SGCD: variants seen among roughly 807,000 people sequenced by gnomAD.
SGCD encodes the protein sarcoglycan delta.
SGCD carries 18 observed loss-of-function variants against 36.6 expected under a neutral mutation model. That is an observed-to-expected ratio of 0.49 (90% CI 0.34 to 0.73). The LOEUF is 0.73. SGCD is among the 30% of genes least tolerant of loss of function. SGCD has a pLI of 0.01. For missense variants in SGCD, 387 were observed against 346.7 expected (o/e 1.12, Z -0.92); for synonymous variants, 133 against 130.6 (o/e 1.02, Z -0.12).
Position 156,047,137 on chromosome 5 carries a change from G to A in SGCD, c.-281-70741G>A, listed in dbSNP as rs1759785446. Among the ~76,000 whole-genome samples the A allele has an allele frequency of 1.3e-5, 2 of 152,140 alleles. 1 individual carries two copies. The highest frequency in any genetic ancestry group is 1.3e-4 in the Admixed American group (2 of 15,260). On this transcript the variant is annotated intron_variant, in intron 1 of 9. Coordinates refer to the SGCD transcript ENST00000517913. ...CTTTCTTCAATTCTGTGAAAGCTGAGAGAGATGAGGAAGCTGCAGAAGAAA... is the reference window on the plus strand; with the variant it reads ...CTTTCTTCAATTCTGTGAAAGCTGAAAGAGATGAGGAAGCTGCAGAAGAAA...
intron 3 of SGCD, among the ~76,000 whole-genome samples, chr5:156,225,110 A>G (rs1554085287): frequency 6.6e-6 from 1 of 152,110 alleles, no homozygotes; most frequent in Non-Finnish European, 1.5e-5. Context: ...ATGCAAATCT[A>G]TTCATTCCAC....
At chr5:156,282,318 C>T (rs747334902) in intron 3 of SGCD, among the ~76,000 whole-genome samples, 2 of 152,074 alleles carry the variant, frequency 1.3e-5, no homozygotes, top group African/African-American at 4.8e-5. Flanking sequence ...TCTGATGCAA[C>T]GCAAAACAGA....
chr5:156,650,074 A>G (rs1012814425), intron 7 of SGCD, among the ~76,000 whole-genome samples: 2 of 151,994 alleles, frequency 1.3e-5, no homozygotes, highest in Non-Finnish European at 2.9e-5. Context: ...GCATTAGCCC[A>G]CTCTAGAGAT....
chr5:156,097,122 A>G (rs1355305834), intron 1 of SGCD, among the ~76,000 whole-genome samples: 1 of 151,342 alleles, frequency 6.6e-6, no homozygotes, highest in African/African-American at 2.4e-5. Flanking sequence ...GCTGCTTTTA[A>G]GATTTTTTTT....
At chr5:156,303,131 A>G (rs538742896) in intron 3 of SGCD, among the ~76,000 whole-genome samples, 18 of 152,194 alleles carry the variant, frequency 1.2e-4, no homozygotes, top group African/African-American at 3.9e-4. Context: ...GGAGTCAGGG[A>G]TTTTAGGAAT....
At chr5:156,689,359 G>A (rs1245603218) in intron 7 of SGCD, among the ~76,000 whole-genome samples, 1 of 152,118 alleles carries the variant, frequency 6.6e-6, no homozygotes, top group African/African-American at 2.4e-5. Flanking sequence ...CTGATGCAAG[G>A]CACATGGAAT....
chr5:156,332,837 G>C (rs193139176), intron 2 of SGCD, among the ~76,000 whole-genome samples: 1 of 152,156 alleles, frequency 6.6e-6, no homozygotes, highest in African/African-American at 2.4e-5. Flanking sequence ...GAATTTTCTC[G>C]GGTGATAGAA....
chr5:156,447,910 A>G (rs542508447), intron 3 of SGCD, among the ~76,000 whole-genome samples: 1 of 152,296 alleles, frequency 6.6e-6, no homozygotes, highest in Admixed American at 6.5e-5. Flanking sequence ...TTATTACCCT[A>G]TGAGGTATAA....
chr5:155,816,137 C>T, the SGCD span, among the ~76,000 whole-genome samples: 2 of 152,104 alleles, frequency 1.3e-5, no homozygotes, highest in African/African-American at 4.8e-5. Context: ...AATCTAACAA[C>T]TGAATAATGC....
At chr5:155,878,872 C>T (rs116127558) in intron 1 of SGCD, among the ~76,000 whole-genome samples, 2,407 of 152,186 alleles carry the variant, frequency 0.016, 61 homozygotes, top group African/African-American at 0.054. Flanking sequence ...AGCTTTATTT[C>T]GTTATTTAAA....
At chr5:156,262,940 T>TATAC (rs572882437) in intron 3 of SGCD, among the ~76,000 whole-genome samples, 120 of 151,914 alleles carry the variant, frequency 7.9e-4, no homozygotes, top group African/African-American at 2.7e-3. Flanking sequence ...TATATATATA[T>TATAC]ACACACACAT....
chr5:156,674,038 A>G (rs981541305), intron 7 of SGCD, among the ~76,000 whole-genome samples: 3 of 152,188 alleles, frequency 2.0e-5, no homozygotes, highest in Non-Finnish European at 4.4e-5. Context: ...ATGCAGATGT[A>G]TGTATTAATA....
At chr5:156,750,251 T>C (rs745334746) in intron 7 of SGCD, among the ~76,000 whole-genome samples, 1 of 152,086 alleles carries the variant, frequency 6.6e-6, no homozygotes, top group African/African-American at 2.4e-5. Context: ...ATAAAAAACA[T>C]ACTTAATGGT....
chr5:156,688,466 A>C (rs1753988097), intron 7 of SGCD, among the ~76,000 whole-genome samples: 1 of 152,196 alleles, frequency 6.6e-6, no homozygotes, highest in African/African-American at 2.4e-5. Context: ...GATAGTAAAC[A>C]ACAGAAACTC....
intron 3 of SGCD, among the ~76,000 whole-genome samples, chr5:156,448,702 A>C (rs907053715): frequency 6.6e-6 from 1 of 150,554 alleles, no homozygotes; most frequent in Non-Finnish European, 1.5e-5. Flanking sequence ...GGGTTGCTTA[A>C]AGGGTGGGAG....
At chr5:156,189,828 C>T (rs1040498498) in intron 3 of SGCD, among the ~76,000 whole-genome samples, 3 of 152,040 alleles carry the variant, frequency 2.0e-5, no homozygotes, top group African/African-American at 4.8e-5. Flanking sequence ...TTTTTTTGAA[C>T]ACTATATTAA....
chr5:156,428,919 T>A (rs956504801), intron 3 of SGCD, among the ~76,000 whole-genome samples: 1 of 152,120 alleles, frequency 6.6e-6, no homozygotes, highest in Non-Finnish European at 1.5e-5. Context: ...GATTTTGATT[T>A]TCTTAAATTT....
intron 1 of SGCD, among the ~76,000 whole-genome samples, chr5:155,999,506 AC>A (rs1285090584): frequency 1.3e-5 from 2 of 152,160 alleles, no homozygotes; most frequent in African/African-American, 4.8e-5. Context: ...TTTATCAAGA[AC>A]TTATTCTGTG....
rs148334369 is a variant in SGCD, at chr5:155,941,803, T to C, written c.-282+71379T>C. ...TATAATAATTAATTGATGAAAAAAG[T>C]CAAGCTATACTATAGGAGGTGAAGT... On this transcript the variant is annotated intron_variant, in intron 1 of 9. Coordinates refer to the SGCD transcript ENST00000517913. 3.7e-3 allele frequency among the ~76,000 whole-genome samples: 567 copies of C among 152,272 alleles called. 4 individuals carry two copies. Among genetic ancestry groups the C allele is most frequent in the African/African-American group, 0.013 (548 of 41,554 alleles).
Sources: gnomAD v4.1 joint callset for allele counts (sites outside exome capture counted in the v4.1 genomes callset) on GRCh38, gnomAD v4.1.1 for gene constraint, MANE v1.5 for transcripts, NCBI Gene and HGNC (gene_info 2026-07-23, HGNC 2026-07-21) for gene names.